Variants in BEND5 observed in about 807,000 individuals in gnomAD.
BEND5 encodes the protein BEN domain containing 5.
Under a neutral mutation model 43.9 loss-of-function variants are expected in BEND5, and 22 were observed. The observed-to-expected ratio is 0.50, with a 90% confidence interval of 0.36 to 0.72. The LOEUF (loss-of-function observed/expected upper bound fraction) is 0.72, where lower values mean the gene tolerates loss of function less well. BEND5 is among the 30% of genes least tolerant of loss of function. The pLI, the probability that BEND5 is intolerant of heterozygous loss-of-function variation, is 0.00. For missense variants in BEND5, 428 were observed against 550.6 expected, an observed-to-expected ratio of 0.78 and a Z score of 2.23; for synonymous variants, 228 against 225.9, an observed-to-expected ratio of 1.01 and a Z score of -0.08.
chr1:48,736,495 AG>A lies in BEND5; in HGVS notation c.895-44del, dbSNP rs754216009. On this transcript the variant is annotated intron_variant, in intron 4 of 5. Transcript: ENST00000371833. The surrounding 1 kb of genome is among the most constrained non-coding windows in gnomAD (Gnocchi z 4.0). Reference sequence around the variant, plus strand: ...ACCAGCACCTGTTTAGTCCGACAGGAGGGCAGTGGGAGGCTTCTCTTGTCCT... The same window carrying A: ...ACCAGCACCTGTTTAGTCCGACAGGAGGCAGTGGGAGGCTTCTCTTGTCCT... 3 of 1,554,740 alleles carry A rather than the reference AG, an allele frequency of 1.9e-6. No homozygotes were observed. The highest frequency in any genetic ancestry group is 2.7e-6 in the Non-Finnish European group (3 of 1,128,452).
intron 1 of BEND5, among the ~76,000 whole-genome samples, chr1:48,773,784 G>C (rs1260093314): frequency 6.6e-6 from 1 of 152,192 alleles, no homozygotes; most frequent in Non-Finnish European, 1.5e-5. Context: ...AAGTCTCTGA[G>C]CTTCGGTGTC....
At chr1:48,754,156 T>A (rs1247093128) in intron 3 of BEND5, among the ~76,000 whole-genome samples, 1 of 152,174 alleles carries the variant, frequency 6.6e-6, no homozygotes, top group Non-Finnish European at 1.5e-5. Flanking sequence ...GAGGACACCG[T>A]AGCCTTGGAC....
At chr1:48,773,364 A>C (rs1278084119) in intron 1 of BEND5, among the ~76,000 whole-genome samples, 2 of 152,128 alleles carry the variant, frequency 1.3e-5, no homozygotes, top group African/African-American at 4.8e-5. Flanking sequence ...TTGGCAAATA[A>C]ATGAGAGTAA....
At chr1:48,735,757 C>T (rs936939924) in intron 5 of BEND5, among the ~76,000 whole-genome samples, 3 of 152,060 alleles carry the variant, frequency 2.0e-5, no homozygotes, top group African/African-American at 4.8e-5. Flanking sequence ...CCAAGAACTG[C>T]GTCCCCTAGC....
intron 1 of BEND5, among the ~76,000 whole-genome samples, chr1:48,766,376 T>C (rs951905603): frequency 6.6e-6 from 1 of 152,176 alleles, no homozygotes; most frequent in Non-Finnish European, 1.5e-5. Flanking sequence ...CCAGAATAAA[T>C]ACTGAATGAA....
chr1:48,771,204 C>T (rs919570204), intron 1 of BEND5, among the ~76,000 whole-genome samples: 6 of 152,138 alleles, frequency 3.9e-5, no homozygotes, highest in East Asian at 1.9e-4. Flanking sequence ...CTCCAGATTA[C>T]GAATGTTCTT....
At chr1:48,760,074 C>G (rs1644174158) in intron 2 of BEND5, among the ~76,000 whole-genome samples, 4 of 152,170 alleles carry the variant, frequency 2.6e-5, no homozygotes, top group Admixed American at 2.6e-4. Flanking sequence ...GAGCCAAAAC[C>G]AGAATTTGGA....
At chr1:48,764,105 G>A (rs576048724) in intron 1 of BEND5, among the ~76,000 whole-genome samples, 1 of 152,276 alleles carries the variant, frequency 6.6e-6, no homozygotes, top group African/African-American at 2.4e-5. Context: ...CACAAGAAAA[G>A]AGAACCCAAG....
rs986246171 is a variant in BEND5 at position 48,736,394 on chromosome 1, G to A, written c.953C>T (p.Thr318Ile). 6.2e-7 allele frequency: 1 copy of A among 1,614,082 alleles called. No homozygotes were observed. Among genetic ancestry groups the A allele is most frequent in the South Asian group, 1.1e-5 (1 of 91,078 alleles). The change falls in exon 5 of 6, where the codon ACC becomes ATC. Residue 318 changes from threonine to isoleucine, a missense_variant. Transcript: ENST00000371833. The surrounding 1 kb of genome is among the most constrained non-coding windows in gnomAD (Gnocchi z 4.0). ...DEEKWHQLQV[T>I]QGDSKYTKNL... Reference sequence around the variant, plus strand: ...CTTCGTGTACTTGGAATCTCCTTGGGTTACTTGTAGCTGGTGCCATTTCTC... The same window carrying A: ...CTTCGTGTACTTGGAATCTCCTTGGATTACTTGTAGCTGGTGCCATTTCTC...
intron 3 of BEND5, among the ~76,000 whole-genome samples, chr1:48,754,206 C>G (rs528086199): frequency 1.1e-4 from 17 of 152,252 alleles, no homozygotes; most frequent in African/African-American, 4.1e-4. Context: ...GAGGAGAAAC[C>G]AAGAGAGACC....
intron 1 of BEND5, among the ~76,000 whole-genome samples, chr1:48,762,448 T>C (rs1222506648): frequency 6.6e-6 from 1 of 152,218 alleles, no homozygotes; most frequent in Admixed American, 6.5e-5. Context: ...CCCCTTGTGG[T>C]AAAATACTTT....
intron 3 of BEND5, among the ~76,000 whole-genome samples, chr1:48,744,434 T>A (rs923030): frequency 0.67 from 101,190 of 152,062 alleles, 34,881 homozygotes; most frequent in Middle Eastern, 0.79. Context: ...TAATTACTTA[T>A]ATTTCCCCTA....
Position 48,727,809 on chromosome 1 carries a change from T to G in BEND5, c.*77A>C. ...ACACACCACCATGCACGGTGGGGTC[T>G]GATTTGGACGGCACCATCGCTCGCA... is the stretch of plus-strand genomic sequence containing the variant. On this transcript the variant is annotated 3_prime_UTR_variant, in exon 6 of 6. Transcript: ENST00000371833. 7.1e-7 allele frequency: 1 copy of G among 1,411,798 alleles called. No homozygotes were observed. The highest frequency in any genetic ancestry group is 9.8e-7 in the Non-Finnish European group (1 of 1,018,534). The allele number at this position is 1,411,798 out of a possible 1,614,324, so 87.5% of individuals were successfully genotyped here. A position where few individuals can be genotyped will look rare whatever the true frequency, so the allele number is the denominator to read the frequency against.
chr1:48,766,545 G>GTA (rs936187841), intron 1 of BEND5, among the ~76,000 whole-genome samples: 3 of 152,216 alleles, frequency 2.0e-5, no homozygotes, highest in African/African-American at 7.2e-5. Flanking sequence ...GAAACAAGTT[G>GTA]TGGCCAACCC....
intron 1 of BEND5, among the ~76,000 whole-genome samples, chr1:48,775,818 C>G (rs900754649): frequency 1.3e-5 from 2 of 152,220 alleles, no homozygotes; most frequent in African/African-American, 4.8e-5. Flanking sequence ...CTCTCAGGGC[C>G]CTGGCAGGGC....
At position 48,759,198 on chromosome 1, in the gene BEND5, G is replaced by T; in HGVS notation, c.447C>A (p.Ser149Arg). The change falls in exon 3 of 6, where the codon AGC (serine) becomes AGA (arginine). Residue 149 changes from serine to arginine, a missense_variant. Physicochemically the swap from Ser to Arg is moderately radical, Grantham distance 110. Around this residue, in one of 4 missense-constraint regions of BEND5, gnomAD observed 243 missense variants for 286.4 expected, o/e 0.85. Coordinates refer to ENST00000371833, the MANE Select transcript of BEND5 (RefSeq NM_024603.4). The stretch of plus-strand genomic sequence containing the variant: ...CTTCCGGACACGTGCTATGGCCCAG[G>T]CTCAGGCCGTTCTGCTTCTCTAGCC... Reference protein sequence around the residue: ...VARLEKQNGLSLGHSTCPEEV... With the variant: ...VARLEKQNGLRLGHSTCPEEV... 1 of 1,611,908 alleles carries T rather than the reference G, an allele frequency of 6.2e-7. No homozygotes were observed.
chr1:48,771,656 T>C (rs1644840322), intron 1 of BEND5, among the ~76,000 whole-genome samples: 2 of 152,168 alleles, frequency 1.3e-5, no homozygotes, highest in South Asian at 4.1e-4. Flanking sequence ...AGAAAATAAA[T>C]CCTTTTGTTG....
chr1:48,772,835 T>C (rs542079220), intron 1 of BEND5, among the ~76,000 whole-genome samples: 2 of 152,298 alleles, frequency 1.3e-5, no homozygotes, highest in East Asian at 3.9e-4. Context: ...ACTTAAAAGA[T>C]AAACTGCAAA....
chr1:48,743,550 G>A (rs981421079), intron 3 of BEND5, among the ~76,000 whole-genome samples: 1 of 152,132 alleles, frequency 6.6e-6, no homozygotes, highest in East Asian at 1.9e-4. Flanking sequence ...AACTTTTGTG[G>A]GAGAACAACT....
Sources: gnomAD v4.1 joint callset for allele counts (sites outside exome capture counted in the v4.1 genomes callset) on GRCh38, gnomAD v4.1.1 for gene constraint, gnomAD v4.1.1 regional missense constraint, Gnocchi (gnomAD v3.1) non-coding constraint, MANE v1.5 for transcripts, NCBI Gene and HGNC (gene_info 2026-07-23, HGNC 2026-07-21) for gene names.